INPP5J: variants seen among roughly 807,000 people sequenced by gnomAD.
The protein encoded by INPP5J is phosphatidylinositol 4,5-bisphosphate 5-phosphatase A.
Under a neutral mutation model 86.6 loss-of-function variants are expected in INPP5J, and 75 were observed. That is an observed-to-expected ratio of 0.87 (90% CI 0.72 to 1.05). The LOEUF (loss-of-function observed/expected upper bound fraction) is 1.05, where lower values mean the gene tolerates loss of function less well. Ranked by LOEUF, INPP5J falls within the 50% of genes least tolerant of loss-of-function variation. The pLI is 0.00. For missense variants in INPP5J, 1,229 were observed against 1,341.2 expected, an observed-to-expected ratio of 0.92 and a Z score of 1.31; for synonymous variants, 540 against 550.0, an observed-to-expected ratio of 0.98 and a Z score of 0.25.
intron 6 of INPP5J, 141 bp downstream of exon 6, chr22:31,127,673 G>A: frequency 1.1e-6 from 1 of 920,922 alleles, no homozygotes; most frequent in Non-Finnish European, 1.6e-6. Flanking sequence ...GAACACGAAA[G>A]CAGAGAGCAG....
At chr22:31,124,028 G>A (rs1174125460) in intron 1 of INPP5J, 1 of 152,448 alleles carries the variant, frequency 6.6e-6, no homozygotes, top group African/African-American at 2.4e-5. Context: ...TATTCAACGG[G>A]GCTAGATGGA....
At chr22:31,132,240 C>T (rs1054252830) in intron 9 of INPP5J, among the ~76,000 whole-genome samples, 4 of 152,198 alleles carry the variant, frequency 2.6e-5, no homozygotes, top group African/African-American at 9.6e-5. Flanking sequence ...AGGTCTCCAT[C>T]CTCCCACGCA....
chr22:31,122,778 GC>G (rs1255740738), upstream of INPP5J: 1 of 441,308 alleles, frequency 2.3e-6, no homozygotes, highest in East Asian at 3.6e-5. Flanking sequence ...TGGGACCTGG[GC>G]CAGGCAGATG....
At position 31,126,530 on chromosome 22, in the gene INPP5J, G is replaced by A. The variant is rs374750515; in HGVS notation, c.1385+41G>A. ...ATGTGGACCCCCTCCTGAGCCCCTCGGGCCTTCCGGGCCCTCCACCCATGG... is the reference window on the plus strand; with the variant it reads ...ATGTGGACCCCCTCCTGAGCCCCTCAGGCCTTCCGGGCCCTCCACCCATGG... On this transcript the variant is annotated intron_variant, in intron 3 of 12. Transcript: ENST00000331075. 35 of 1,601,444 alleles carry A rather than the reference G, an allele frequency of 2.2e-5. No individual in the cohort carries two copies. The African/African-American group carries it at 3.9e-4, about 18-fold the overall frequency.
At chr22:31,122,685 A>T (rs969227096), upstream of INPP5J, 5 of 286,208 alleles carry the variant, frequency 1.7e-5, no homozygotes, top group Non-Finnish European at 2.6e-5. Context: ...AGGTGTGTTA[A>T]TGCCCCTCCC....
chr22:31,127,591 T>C, intron 6 of INPP5J, 59 bp downstream of exon 6: 1 of 1,524,128 alleles, frequency 6.6e-7, no homozygotes, highest in Non-Finnish European at 8.9e-7. Context: ...GGGGTTTTTG[T>C]ACCACCTTGG....
intron 6 of INPP5J, 99 bp downstream of exon 6, chr22:31,127,631 TG>T: frequency 8.3e-7 from 1 of 1,204,872 alleles, no homozygotes; most frequent in Non-Finnish European, 1.2e-6. Flanking sequence ...GCAGGGCCTA[TG>T]GGGTTTAGTG....
chr22:31,128,411 G>A lies in INPP5J; in HGVS notation c.2010-60G>A, dbSNP rs932999159. On this transcript the variant is annotated intron_variant, in intron 8 of 12. Coordinates refer to ENST00000331075, the MANE Select transcript of INPP5J (RefSeq NM_001284285.2). The stretch of plus-strand genomic sequence containing the variant: ...TTTGGGAAGAGGGGCAGGAGGCAAG[G>A]TGGAGGGTTACATCTTGATCCCCAG... 1.0e-4 allele frequency: 164 copies of A among 1,590,378 alleles called. 1 individual carries two copies. The Middle Eastern group carries it at 1.2e-3, about 11-fold the overall frequency.
At chr22:31,133,548 T>A in intron 11 of INPP5J, 62 bp from the exon 12 acceptor site, 1 of 1,592,688 alleles carries the variant, frequency 6.3e-7, no homozygotes, top group Non-Finnish European at 8.6e-7. Context: ...AGAACTCACC[T>A]TGGGGGCTCT....
chr22:31,126,044 G>A (rs2147872529), intron 2 of INPP5J, 34 bp downstream of exon 2: 1 of 1,518,366 alleles, frequency 6.6e-7, no homozygotes, highest in Non-Finnish European at 8.8e-7. Flanking sequence ...AGGTGGCTGG[G>A]GCTTAGCTCT....
Position 31,126,401 on chromosome 22 carries a change from G to A in INPP5J, c.1297G>A (p.Gly433Ser). Residue 433 changes from glycine to serine, a missense_variant, in exon 3 of 13, where the codon GGC becomes AGC. Coordinates refer to ENST00000331075, the MANE Select transcript of INPP5J (RefSeq NM_001284285.2). ...GATCACTGTGGTCACATGGAACGTGGGCACTGCCATGCCCCCAGACGATGT... is the reference window on the plus strand; with the variant it reads ...GATCACTGTGGTCACATGGAACGTGAGCACTGCCATGCCCCCAGACGATGT... ...FRITVVTWNV[G>S]TAMPPDDVTS... 1 of 1,613,716 alleles carries A rather than the reference G, an allele frequency of 6.2e-7. No homozygotes were observed. The highest frequency in any genetic ancestry group is 8.5e-7 in the Non-Finnish European group (1 of 1,179,814).
At position 31,128,303 on chromosome 22, in the gene INPP5J, T is replaced by C. The variant is rs1189649886; in HGVS notation, c.1989T>C (p.Gly663=). 18 of 1,594,958 alleles carry C rather than the reference T, an allele frequency of 1.1e-5. No individual in the cohort carries two copies. Among genetic ancestry groups the C allele is most frequent in the Non-Finnish European group, 1.5e-5 (18 of 1,170,612 alleles). The change falls in exon 8 of 13, where the codon GGT becomes GGC. Residue 663 remains glycine (G), a synonymous_variant. Coordinates refer to ENST00000331075, the MANE Select transcript of INPP5J (RefSeq NM_001284285.2). The stretch of plus-strand genomic sequence containing the variant: ...CTCCCACCTTCAAGTTTGATGTGGG[T>C]ACCAACAAATACGATACCAGGTGAG... ...NFAPTFKFDV[G]TNKYDTSAKK... is the part of the protein sequence containing the mutation.
Position 31,127,953 on chromosome 22 carries a change from TC to T in INPP5J, c.1791del (p.Val598CysfsTer7). 8.0e-7 allele frequency: 1 copy of T among 1,257,234 alleles called. No homozygotes were observed. The highest frequency in any genetic ancestry group is 1.0e-6 in the Non-Finnish European group (1 of 955,362). 77.9% of individuals were successfully genotyped at this position (1,257,234 alleles called of 1,614,324 possible). A position where few individuals can be genotyped will look rare whatever the true frequency, so the allele number is the denominator to read the frequency against. ...CTCCCATCCCCCACCCCAAACAGCC[TC>T]GTGTTCTGGTTCGGGGACCTGAACT... ...PGAQGILDHDLVFWFGDLNFR... is the reference protein window; with the variant it reads ...PGAQGILDHDXVFWFGDLNFR... On this transcript the variant is annotated frameshift_variant, in exon 7 of 13. Transcript: ENST00000331075. LOFTEE classifies it high-confidence loss of function.
At chr22:31,127,669 G>T in intron 6 of INPP5J, 137 bp downstream of exon 6, 2 of 927,154 alleles carry the variant, frequency 2.2e-6, no homozygotes, top group Admixed American at 5.7e-5. Flanking sequence ...GTAGGAACAC[G>T]AAAGCAGAGA....
At chr22:31,127,283 T>C in intron 5 of INPP5J, 74 bp from the exon 6 acceptor site, 2 of 1,407,960 alleles carry the variant, frequency 1.4e-6, no homozygotes, top group Non-Finnish European at 1.9e-6. Flanking sequence ...ACATCTCCTC[T>C]CTAACCCCCG....
At chr22:31,123,861 A>T (rs4820942) in intron 1 of INPP5J, 14,504 of 152,196 alleles carry the variant, frequency 0.095, 1,315 homozygotes, top group East Asian at 0.42. Context: ...CACCTGCCGG[A>T]CATAAATGGG....
At position 31,124,960 on chromosome 22, in the gene INPP5J, G is replaced by A; in HGVS notation, c.221G>A (p.Gly74Glu). The A allele has an allele frequency of 6.2e-7, 1 of 1,607,114 alleles. No individual in the cohort carries two copies. The highest frequency in any genetic ancestry group is 8.5e-7 in the Non-Finnish European group (1 of 1,176,860). ...GCAGCTATGTCAGCTTCCTCGGAAG[G>A]ACCGAGGCTGGCTCTGGCATCTCCC... ...PRAAMSASSE[G>E]PRLALASPRP... Residue 74 changes from glycine to glutamate, a missense_variant, in exon 2 of 13, where the codon GGA (glycine) becomes GAA (glutamate). Transcript: ENST00000331075.
chr22:31,133,542 C>T, intron 11 of INPP5J, 59 bp downstream of exon 11: 1 of 1,595,586 alleles, frequency 6.3e-7, no homozygotes, highest in East Asian at 2.2e-5. Context: ...GACCTCAGAA[C>T]TCACCTTGGG....
Position 31,134,265 on chromosome 22 carries a change from G to C in INPP5J, c.2867G>C (p.Arg956Pro). Residue 956 changes from arginine (R) to proline (P), a missense_variant, in exon 13 of 13, where the codon CGA becomes CCA. Transcript: ENST00000331075. The stretch of plus-strand genomic sequence containing the variant: ...TGGGCCTTCCCACCAGCTGTGCCTC[G>C]AAGCCTGGGCCTGTTGCCCGCCTTG... ...GPWAFPPAVPRSLGLLPALRL... is the reference protein window; with the variant it reads ...GPWAFPPAVPPSLGLLPALRL... 1 of 1,552,092 alleles carries C rather than the reference G, an allele frequency of 6.4e-7. No individual in the cohort carries two copies. Among genetic ancestry groups the C allele is most frequent in the Non-Finnish European group, 8.7e-7 (1 of 1,148,016 alleles).
Sources: allele counts gnomAD v4.1 joint callset (sites outside exome capture counted in the v4.1 genomes callset), GRCh38; gene constraint gnomAD v4.1.1; transcripts MANE v1.5; gene names NCBI Gene and HGNC (gene_info 2026-07-23, HGNC 2026-07-21).